Variants in ATP8B1 observed in about 807,000 individuals in gnomAD.
ATP8B1 encodes ATPase phospholipid transporting 8B1.
A neutral mutation model predicts 149.9 loss-of-function variants in ATP8B1; 80 were observed. The observed-to-expected ratio is 0.53, with a 90% CI of 0.45 to 0.64. The LOEUF is 0.64. Ranked by LOEUF, ATP8B1 falls within the 30% of genes least tolerant of loss-of-function variation. The probability of loss-of-function intolerance (pLI) is 0.00; values close to 1 mark genes in which losing one functional copy is unlikely to be tolerated. For missense variants in ATP8B1, 1,247 were observed against 1,552.6 expected, an observed-to-expected ratio of 0.80 and a Z score of 3.31; for synonymous variants, 536 against 562.8, an observed-to-expected ratio of 0.95 and a Z score of 0.67.
At chr18:57,789,322 C>T (rs946185354) in intron 1 of ATP8B1, among the ~76,000 whole-genome samples, 2 of 152,170 alleles carry the variant, frequency 1.3e-5, no homozygotes, top group African/African-American at 2.4e-5. Flanking sequence ...AAAGAACCCT[C>T]GCCTTGTGAG....
intron 2 of ATP8B1, among the ~76,000 whole-genome samples, chr18:57,713,289 TC>T: frequency 1.0e-5 from 1 of 97,768 alleles, no homozygotes; most frequent in South Asian, 3.1e-4. Flanking sequence ...TTTTTCTTTC[TC>T]TCTCTCTCTC....
chr18:57,764,873 G>A (rs1266080223), intron 1 of ATP8B1, among the ~76,000 whole-genome samples: 2 of 151,138 alleles, frequency 1.3e-5, no homozygotes, highest in African/African-American at 4.9e-5. Context: ...GTGGAAAACA[G>A]CATAATGGTT....
At chr18:57,667,369 C>T (rs1301469465) in intron 19 of ATP8B1, 11 of 556,426 alleles carry the variant, frequency 2.0e-5, no homozygotes, top group African/African-American at 3.8e-5. Flanking sequence ...GCTGGGACTA[C>T]GCAACTCGCT....
Position 57,648,686 on chromosome 18 carries a change from C to T in ATP8B1, c.3558G>A (p.Lys1186=). 9.6e-6 allele frequency: 15 copies of T among 1,560,780 alleles called. No individual in the cohort carries two copies. The highest frequency in any genetic ancestry group is 1.3e-5 in the Non-Finnish European group (15 of 1,153,220). Residue 1186 remains lysine, a synonymous_variant, in exon 28 of 28, where the codon AAG becomes AAA. Transcript: ENST00000648908. ...DKIQKHRKRL[K]AEEQWQRRQQ... is the part of the protein sequence containing the mutation. ...GCCGTCGCTGCCACTGCTCCTCCGC[C>T]TTCAACCGCTTGCGATGCTTCTGGA...
rs970621320 is a variant in ATP8B1 at position 57,803,085 on chromosome 18, G to T, written c.-113C>A. On this transcript the variant is annotated 5_prime_UTR_variant, in exon 1 of 28. Coordinates refer to ENST00000648908, the MANE Select transcript of ATP8B1 (RefSeq NM_001374385.1). ...GCGCACCTGGCCGCTGCCGCCGCCCGCCCGGCCCCAGCCCTGGCCGCCGCG... is the reference window on the plus strand; with the variant it reads ...GCGCACCTGGCCGCTGCCGCCGCCCTCCCGGCCCCAGCCCTGGCCGCCGCG... 2 of 151,608 alleles carry T rather than the reference G, an allele frequency of 1.3e-5. No individual in the cohort carries two copies. Among genetic ancestry groups the T allele is most frequent in the African/African-American group, 2.4e-5 (1 of 41,374 alleles). The allele number at this position is 151,608 out of a possible 1,614,324, so 9.4% of individuals were successfully genotyped here. A position where few individuals can be genotyped will look rare whatever the true frequency, so the allele number is the denominator to read the frequency against.
At chr18:57,674,329 G>A (rs1464534976) in intron 16 of ATP8B1, among the ~76,000 whole-genome samples, 3 of 150,946 alleles carry the variant, frequency 2.0e-5, no homozygotes, top group Admixed American at 2.0e-4. Context: ...CAGAGATACT[G>A]TGGCTACCCC....
rs528054472 is a variant in ATP8B1 at position 57,649,414 on chromosome 18, GC to G, written c.3532-703del. 2.6e-5 allele frequency among the ~76,000 whole-genome samples: 4 copies of G among 152,152 alleles called. No individual in the cohort carries two copies. In the South Asian group the frequency reaches 8.3e-4, roughly 32 times the overall value. ...AGATTCCCACTCCTCTGAAGCTAGT[GC>G]CCTTTTCTAGTTCAGACCAGATGGG... On this transcript the variant is annotated intron_variant, in intron 27 of 27. Coordinates refer to ENST00000648908, the MANE Select transcript of ATP8B1 (RefSeq NM_001374385.1).
At chr18:57,711,284 C>T (rs1490495018) in intron 2 of ATP8B1, among the ~76,000 whole-genome samples, 1 of 152,084 alleles carries the variant, frequency 6.6e-6, no homozygotes, top group Non-Finnish European at 1.5e-5. Context: ...CAGTTAAACA[C>T]GATTACAATG....
chr18:57,765,676 A>G (rs925626174), intron 1 of ATP8B1, among the ~76,000 whole-genome samples: 77 of 151,178 alleles, frequency 5.1e-4, no homozygotes, highest in Non-Finnish European at 9.4e-4. Flanking sequence ...CTCAAAAGAA[A>G]AAAAAAAAAA....
At position 57,736,453 on chromosome 18, in the gene ATP8B1, G is replaced by GTTTTTTTTTTTTTTTTTTTTTTTT. The variant is rs71171079; in HGVS notation, c.-25-4645_-25-4622dup. On this transcript the variant is annotated intron_variant, in intron 1 of 27. Coordinates refer to ENST00000648908, the MANE Select transcript of ATP8B1 (RefSeq NM_001374385.1). The stretch of plus-strand genomic sequence containing the variant: ...TTTCTTCTAGTATAAAGTTTTACTA[G>GTTTTTTTTTTTTTTTTTTTTTTTT]TTTTTTTTTTTTTTTTTTTTTTTTG... Among the ~76,000 whole-genome samples, 4 of 70,142 alleles carry GTTTTTTTTTTTTTTTTTTTTTTTT rather than the reference G, an allele frequency of 5.7e-5. 2 individuals are homozygous for GTTTTTTTTTTTTTTTTTTTTTTTT. Among genetic ancestry groups the GTTTTTTTTTTTTTTTTTTTTTTTT allele is most frequent in the Non-Finnish European group, 5.3e-5 (2 of 37,394 alleles). 46.0% of individuals were successfully genotyped at this position (70,142 alleles called of 152,430 possible).
At chr18:57,764,770 A>C (rs980884145) in intron 1 of ATP8B1, among the ~76,000 whole-genome samples, 6 of 151,718 alleles carry the variant, frequency 4.0e-5, no homozygotes, top group South Asian at 2.1e-4. Context: ...AAAAAAAAAA[A>C]AAAAAAAAAA....
At chr18:57,715,573 A>C (rs1009030043) in intron 2 of ATP8B1, among the ~76,000 whole-genome samples, 1 of 152,204 alleles carries the variant, frequency 6.6e-6, no homozygotes, top group Non-Finnish European at 1.5e-5. Context: ...GCATTTAGTA[A>C]TCAAATTCCT....
chr18:57,721,991 ATGACTAC>A (rs1331221685), intron 2 of ATP8B1, among the ~76,000 whole-genome samples: 1 of 133,592 alleles, frequency 7.5e-6, no homozygotes, highest in Non-Finnish European at 1.6e-5. Flanking sequence ...CTGCTCCTGA[ATGACTAC>A]TGGGTACATA....
In ATP8B1 at chr18:57,652,479, C is replaced by T. The variant is rs756652647; in HGVS notation, c.3261+5G>A. The stretch of plus-strand genomic sequence containing the variant: ...CACTGAATACGGCCAATGAAAGCCA[C>T]GTACCTGGAAATTGACTGTTATTAC... On this transcript the variant is annotated splice_donor_5th_base_variant and intron_variant, in intron 25 of 27. Transcript: ENST00000648908. The T allele has an allele frequency of 1.2e-6, 2 of 1,614,128 alleles. No individual in the cohort carries two copies. Among genetic ancestry groups the T allele is most frequent in the Non-Finnish European group, 8.5e-7 (1 of 1,180,032 alleles).
In ATP8B1 at chr18:57,732,496, T is replaced by C. The variant is rs575496786; in HGVS notation, c.-25-664A>G. Among the ~76,000 whole-genome samples, 262 of 151,888 alleles carry C rather than the reference T, an allele frequency of 1.7e-3. 1 individual carries two copies. Among genetic ancestry groups the C allele is most frequent in the African/African-American group, 6.2e-3 (257 of 41,444 alleles). ...AGATTACAGCACATATAATAAGTAC[T>C]GCTTGATAAAATAGTTGTACACATT... is the stretch of plus-strand genomic sequence containing the variant. On this transcript the variant is annotated intron_variant, in intron 1 of 27. Coordinates refer to ENST00000648908, the MANE Select transcript of ATP8B1 (RefSeq NM_001374385.1).
intron 6 of ATP8B1, among the ~76,000 whole-genome samples, chr18:57,699,525 A>G (rs1913006739): frequency 1.3e-5 from 2 of 151,898 alleles, no homozygotes; most frequent in Admixed American, 1.3e-4. Flanking sequence ...TCATGAGGTC[A>G]GGAGATTAAG....
chr18:57,706,689 C>T (rs1227550524), intron 2 of ATP8B1, 102 bp from the exon 3 acceptor site: 3 of 939,390 alleles, frequency 3.2e-6, no homozygotes, highest in Non-Finnish European at 5.1e-6. Flanking sequence ...CCTAAACCTC[C>T]ATCCCTCAGA....
At chr18:57,743,589 G>A (rs1356124526) in intron 1 of ATP8B1, among the ~76,000 whole-genome samples, 1 of 152,094 alleles carries the variant, frequency 6.6e-6, no homozygotes, top group Non-Finnish European at 1.5e-5. Flanking sequence ...AAGAACTTGG[G>A]GTGGGTGGGA....
intron 1 of ATP8B1, among the ~76,000 whole-genome samples, chr18:57,741,605 G>A (rs144875205): frequency 6.6e-6 from 1 of 152,324 alleles, no homozygotes; most frequent in East Asian, 1.9e-4. Flanking sequence ...GCTGTGCTCA[G>A]ACACTTGATT....
Sources: allele counts gnomAD v4.1 joint callset (sites outside exome capture counted in the v4.1 genomes callset), GRCh38; gene constraint gnomAD v4.1.1; transcripts MANE v1.5; gene names NCBI Gene and HGNC (gene_info 2026-07-23, HGNC 2026-07-21).